CSTPP1: variants seen among roughly 807,000 people sequenced by gnomAD.
CSTPP1 encodes the protein UPF0705 protein C11orf49.
chr11:47,119,023 A>T, the CSTPP1 span, among the ~76,000 whole-genome samples: 1 of 152,242 alleles, frequency 6.6e-6, no homozygotes, highest in Non-Finnish European at 1.5e-5. Flanking sequence ...AGTCTGCAGA[A>T]GTTGTCTGCT....
At chr11:47,000,527 A>G in the CSTPP1 span, among the ~76,000 whole-genome samples, 1 of 152,122 alleles carries the variant, frequency 6.6e-6, no homozygotes, top group Non-Finnish European at 1.5e-5. Flanking sequence ...GGATGATTTT[A>G]GTTTTTTGGT....
the CSTPP1 span, among the ~76,000 whole-genome samples, chr11:47,141,404 T>C: frequency 3.4e-5 from 5 of 148,986 alleles, no homozygotes; most frequent in Admixed American, 3.3e-4. Context: ...GGAGGCTAAG[T>C]GGGGAGGATT....
chr11:47,162,300 G>C, the CSTPP1 span: 5 of 973,344 alleles, frequency 5.1e-6, no homozygotes, highest in Admixed American at 3.1e-4. Flanking sequence ...GGGGAGTTTG[G>C]GTTTTCGGTG....
the CSTPP1 span, among the ~76,000 whole-genome samples, chr11:47,078,286 A>G: frequency 6.6e-6 from 1 of 152,232 alleles, no homozygotes; most frequent in African/African-American, 2.4e-5. Flanking sequence ...AACTTCCAAG[A>G]GAACCATTTT....
At chr11:46,997,348 G>C in the CSTPP1 span, among the ~76,000 whole-genome samples, 1 of 151,936 alleles carries the variant, frequency 6.6e-6, no homozygotes, top group Admixed American at 6.6e-5. Flanking sequence ...TGATCAAATC[G>C]GCTACTGAAG....
chr11:46,940,052 G>C, the CSTPP1 span, among the ~76,000 whole-genome samples: 1 of 151,820 alleles, frequency 6.6e-6, no homozygotes, highest in African/African-American at 2.4e-5. Flanking sequence ...TTGTATTTTG[G>C]GTAGAGATAG....
At chr11:47,038,696 C>G in the CSTPP1 span, among the ~76,000 whole-genome samples, 1 of 124,374 alleles carries the variant, frequency 8.0e-6, no homozygotes, top group African/African-American at 2.5e-5. Flanking sequence ...CCCCCACCTC[C>G]CTGCCGGACG....
chr11:46,956,289 C>G, the CSTPP1 span, among the ~76,000 whole-genome samples: 2 of 152,146 alleles, frequency 1.3e-5, no homozygotes, highest in East Asian at 3.9e-4. Context: ...AAGAAGCGGG[C>G]CCCCCAAACT....
chr11:47,047,558 A>G, the CSTPP1 span, among the ~76,000 whole-genome samples: 1 of 152,360 alleles, frequency 6.6e-6, no homozygotes, highest in African/African-American at 2.4e-5. Context: ...TTGGACTACA[A>G]CACTCTTAGA....
At chr11:46,945,057 T>C in the CSTPP1 span, among the ~76,000 whole-genome samples, 1 of 152,206 alleles carries the variant, frequency 6.6e-6, no homozygotes, top group African/African-American at 2.4e-5. Flanking sequence ...CATATGATAG[T>C]TACTTGTCTG....
chr11:47,138,187 G>A, the CSTPP1 span: 1 of 171,720 alleles, frequency 5.8e-6, no homozygotes, highest in Non-Finnish European at 1.2e-5. Flanking sequence ...AAGGCAAAGG[G>A]GAAGCAAGGA....
chr11:47,002,541 C>T, the CSTPP1 span, among the ~76,000 whole-genome samples: 1 of 152,174 alleles, frequency 6.6e-6, no homozygotes, highest in East Asian at 1.9e-4. Context: ...CCACTGGTCC[C>T]TTGACTCGTT....
At chr11:46,950,737 G>C in the CSTPP1 span, among the ~76,000 whole-genome samples, 25 of 151,848 alleles carry the variant, frequency 1.6e-4, no homozygotes, top group African/African-American at 6.0e-4. Flanking sequence ...TCAGCCTCCC[G>C]AGTAGCTGGG....
At chr11:47,089,572 C>T in the CSTPP1 span, among the ~76,000 whole-genome samples, 2 of 152,122 alleles carry the variant, frequency 1.3e-5, no homozygotes, top group Admixed American at 6.6e-5. Flanking sequence ...TAGAACTCTC[C>T]TTAGTATCTC....
the CSTPP1 span, among the ~76,000 whole-genome samples, chr11:46,949,712 G>C: frequency 6.8e-6 from 1 of 148,044 alleles, no homozygotes; most frequent in East Asian, 2.0e-4. Flanking sequence ...CCATCACCCA[G>C]GCTGGAGTGC....
chr11:47,041,376 C>T, the CSTPP1 span: 1 of 246,112 alleles, frequency 4.1e-6, no homozygotes, highest in South Asian at 3.5e-5. Flanking sequence ...TGTTTGCTGA[C>T]AAAGTAGATG....
the CSTPP1 span, among the ~76,000 whole-genome samples, chr11:47,039,494 G>A: frequency 7.9e-6 from 1 of 126,798 alleles, no homozygotes; most frequent in African/African-American, 2.5e-5. Flanking sequence ...AGAGGGAGAG[G>A]GAGAGGGAGC....
At chr11:47,061,957 C>G in the CSTPP1 span, among the ~76,000 whole-genome samples, 1 of 151,958 alleles carries the variant, frequency 6.6e-6, no homozygotes, top group Non-Finnish European at 1.5e-5. Context: ...GGGGCTCTTA[C>G]GCAAGCATTC....
chr11:47,094,334 T>C, the CSTPP1 span, among the ~76,000 whole-genome samples: 2 of 151,980 alleles, frequency 1.3e-5, no homozygotes, highest in African/African-American at 4.8e-5. Flanking sequence ...CTGGGTATTG[T>C]TGTTCAATTG....
Sources: allele counts gnomAD v4.1 joint callset (sites outside exome capture counted in the v4.1 genomes callset), GRCh38; gene constraint gnomAD v4.1.1; transcripts MANE v1.5; gene names NCBI Gene and HGNC (gene_info 2026-07-23, HGNC 2026-07-21).